The following ABCC11 variants were observed in gnomAD, a reference collection of about 807,000 sequenced individuals.
ABCC11 encodes the protein ATP-binding cassette sub-family C member 11.
A neutral mutation model predicts 149.3 loss-of-function variants in ABCC11; 135 were observed. The observed-to-expected ratio is 0.90, with a 90% confidence interval of 0.79 to 1.04. ABCC11 has a LOEUF of 1.04. ABCC11 is among the 50% of genes least tolerant of loss of function. The probability of loss-of-function intolerance (pLI) is 0.00; values close to 1 mark genes in which losing one functional copy is unlikely to be tolerated. For synonymous variants in ABCC11, 665 were observed against 671.4 expected (o/e 0.99, Z 0.15); for missense variants, 1,680 against 1,722.1 (o/e 0.98, Z 0.43).
In ABCC11 at chr16:48,237,687, C is replaced by A. The variant is rs75043627; in HGVS notation, c.-18-5748G>T. On this transcript the variant is annotated intron_variant, in intron 1 of 29. Transcript: ENST00000356608. ...AAACTCCTTACCAGAGCCTACAGAGCCCTCTATAATCTGACTCTGCCCACC... is the reference window on the plus strand; with the variant it reads ...AAACTCCTTACCAGAGCCTACAGAGACCTCTATAATCTGACTCTGCCCACC... Among the ~76,000 whole-genome samples, 1,150 of 152,260 alleles carry A rather than the reference C, an allele frequency of 7.6e-3. 16 individuals are homozygous for A. Among genetic ancestry groups the A allele is most frequent in the African/African-American group, 0.026 (1,082 of 41,552 alleles).
chr16:48,242,584 G>GAC (rs1275667709), intron 1 of ABCC11, among the ~76,000 whole-genome samples: 4 of 152,046 alleles, frequency 2.6e-5, no homozygotes, highest in Admixed American at 2.0e-4. Context: ...CTGCTATAAA[G>GAC]ACACACACAC....
intron 23 of ABCC11, among the ~76,000 whole-genome samples, chr16:48,179,333 G>A (rs1349976469): frequency 6.6e-6 from 1 of 152,174 alleles, no homozygotes; most frequent in African/African-American, 2.4e-5. Flanking sequence ...AGGAGTTAGG[G>A]ACTCTTGGGA....
chr16:48,230,500 ACAGCT>A lies in ABCC11; in HGVS notation c.168_172del (p.Ala57ProfsTer7). 6.2e-7 allele frequency: 1 copy of A among 1,612,640 alleles called. No homozygotes were observed. On this transcript the variant is annotated frameshift_variant, in exon 3 of 30. Transcript: ENST00000356608. LOFTEE classifies it high-confidence loss of function. ...AGCATCATACTTCCCCCACGGTGGG[ACAGCT>A]GCCCTCCCTGGAGCCTCAGGATTTC...
chr16:48,197,359 T>C (rs1189621752), intron 17 of ABCC11, among the ~76,000 whole-genome samples: 1 of 151,962 alleles, frequency 6.6e-6, no homozygotes, highest in Non-Finnish European at 1.5e-5. Flanking sequence ...GAGCCTACAA[T>C]GTGACAGGTA....
rs1420560308 is a variant in ABCC11 at position 48,192,724 on chromosome 16, G to C, written c.2509-7C>G. On this transcript the variant is annotated splice_region_variant and splice_polypyrimidine_tract_variant and intron_variant, in intron 19 of 29. Coordinates refer to ENST00000356608, the MANE Select transcript of ABCC11 (RefSeq NM_001370497.1). ...TCTCTCGGCTGCTATTGGTCTTCAAGAAAGAACAGGGGGTCTGACTGCAGG... is the reference window on the plus strand; with the variant it reads ...TCTCTCGGCTGCTATTGGTCTTCAACAAAGAACAGGGGGTCTGACTGCAGG... 1.2e-6 allele frequency: 2 copies of C among 1,614,010 alleles called. No individual in the cohort carries two copies. Among genetic ancestry groups the C allele is most frequent in the Admixed American group, 3.3e-5 (2 of 60,012 alleles).
At chr16:48,220,351 AGAAACTG>A (rs1416753583) in intron 6 of ABCC11, among the ~76,000 whole-genome samples, 1 of 152,230 alleles carries the variant, frequency 6.6e-6, no homozygotes, top group Admixed American at 6.5e-5. Context: ...GGACAATAAC[AGAAACTG>A]CCACACAAGA....
intron 19 of ABCC11, among the ~76,000 whole-genome samples, chr16:48,193,189 A>C (rs537368339): frequency 6.6e-6 from 1 of 152,194 alleles, no homozygotes; most frequent in Non-Finnish European, 1.5e-5. Context: ...GAGATCCCTG[A>C]TGGCCAATTC....
At chr16:48,200,220 G>C (rs1373798918) in intron 15 of ABCC11, 56 bp downstream of exon 15, 1 of 1,549,848 alleles carries the variant, frequency 6.5e-7, no homozygotes, top group Admixed American at 1.7e-5. Flanking sequence ...AATGGCAAAG[G>C]CTTGAGGATC....
intron 4 of ABCC11, among the ~76,000 whole-genome samples, chr16:48,226,481 G>T (rs1970083716): frequency 1.3e-5 from 2 of 152,004 alleles, no homozygotes; most frequent in Non-Finnish European, 2.9e-5. Context: ...GTTTCACTCT[G>T]TTAGCCAGGA....
At chr16:48,182,086 A>G (rs1966470648) in intron 23 of ABCC11, among the ~76,000 whole-genome samples, 1 of 152,218 alleles carries the variant, frequency 6.6e-6, no homozygotes, top group Non-Finnish European at 1.5e-5. Flanking sequence ...AGGGGGCTCA[A>G]CGAGGAGTGA....
At position 48,175,417 on chromosome 16, in the gene ABCC11, C is replaced by T; in HGVS notation, c.3539G>A (p.Gly1180Glu). 1 of 1,603,404 alleles carries T rather than the reference C, an allele frequency of 6.2e-7. No homozygotes were observed. The highest frequency in any genetic ancestry group is 8.5e-7 in the Non-Finnish European group (1 of 1,171,332). Reference sequence around the variant, plus strand: ...GAGAGCCATGCCCAAGGAGGACTTCCCTGTGGGGCAAGAAACAAGCGGGGC... The same window carrying T: ...GAGAGCCATGCCCAAGGAGGACTTCTCTGTGGGGCAAGAAACAAGCGGGGC... The part of the protein sequence containing the change: ...VVGIVGRTGS[G>E]KSSLGMALFR... Residue 1180 changes from glycine (G) to glutamate (E), a missense_variant and splice_region_variant, in exon 26 of 30, where the codon GGG (glycine) becomes GAG (glutamate). Transcript: ENST00000356608.
chr16:48,224,869 C>T (rs148069951), intron 4 of ABCC11, among the ~76,000 whole-genome samples: 110 of 152,038 alleles, frequency 7.2e-4, no homozygotes, highest in African/African-American at 2.4e-3. Context: ...GCTAAAAATA[C>T]GAAAATTAGT....
At chr16:48,222,081 ATTT>A (rs113762005) in intron 6 of ABCC11, among the ~76,000 whole-genome samples, 1 of 137,914 alleles carries the variant, frequency 7.3e-6, no homozygotes, top group African/African-American at 2.7e-5. Flanking sequence ...AGCCCAGCTA[ATTT>A]TTTTTTTTTT....
chr16:48,215,164 C>T, intron 8 of ABCC11, 33 bp downstream of exon 8: 1 of 1,598,906 alleles, frequency 6.3e-7, no homozygotes, highest in Non-Finnish European at 8.6e-7. Flanking sequence ...ATGCCATCAC[C>T]AGGTTTGGAG....
In ABCC11 at chr16:48,167,378, A is replaced by G; in HGVS notation, c.4057-12T>C. The G allele has an allele frequency of 6.9e-7, 1 of 1,442,492 alleles. No homozygotes were observed. The highest frequency in any genetic ancestry group is 9.8e-7 in the Non-Finnish European group (1 of 1,023,436). 89.4% of individuals were successfully genotyped at this position (1,442,492 alleles called of 1,614,324 possible). A position where few individuals can be genotyped will look rare whatever the true frequency, so the allele number is the denominator to read the frequency against. On this transcript the variant is annotated splice_polypyrimidine_tract_variant and intron_variant, in intron 29 of 29. Transcript: ENST00000356608. ...TCAAATTCTACCACCTGGAGGGTAG[A>G]GAAAGGCGAGGGGAGGATCAGGGCA... is the stretch of plus-strand genomic sequence containing the variant.
At chr16:48,245,279 C>G (rs1971301879) in intron 1 of ABCC11, among the ~76,000 whole-genome samples, 1 of 152,196 alleles carries the variant, frequency 6.6e-6, no homozygotes, top group African/African-American at 2.4e-5. Context: ...TCTGCTCCTT[C>G]ACTCATAACA....
rs1486973408 is a variant in ABCC11, at chr16:48,246,856, G to A, written c.-19+458C>T. On this transcript the variant is annotated intron_variant, in intron 1 of 29. Coordinates refer to ENST00000356608, the MANE Select transcript of ABCC11 (RefSeq NM_001370497.1). ...CTGGAGTAGCTGGGACTATAGGCAA[G>A]CGCCACCATACCCTTCAGGTTTTTA... Among the ~76,000 whole-genome samples the A allele has an allele frequency of 2.6e-5, 4 of 152,158 alleles. No homozygotes were observed. In the South Asian group the frequency reaches 8.3e-4, roughly 32 times the overall value.
Position 48,193,890 on chromosome 16 carries a change from G to C in ABCC11, c.2497C>G (p.Gln833Glu), listed in dbSNP as rs764007604. ...CTCATGGCACTCACCCCCGAGCCCT[G>C]CTCCAACCAGTAGCTCAGCCACCAG... is the stretch of plus-strand genomic sequence containing the variant. ...SFWWLSYWLEQGSGTNSSRES... is the reference protein window; with the variant it reads ...SFWWLSYWLEEGSGTNSSRES... The change falls in exon 19 of 30, where the codon CAG becomes GAG. Residue 833 changes from glutamine to glutamate, a missense_variant. Transcript: ENST00000356608. 5 of 1,613,690 alleles carry C rather than the reference G, an allele frequency of 3.1e-6. No homozygotes were observed. In the South Asian group the frequency reaches 5.5e-5, roughly 18 times the overall value.
At chr16:48,228,240 A>T (rs1478408465) in intron 3 of ABCC11, among the ~76,000 whole-genome samples, 1 of 151,326 alleles carries the variant, frequency 6.6e-6, no homozygotes, top group Non-Finnish European at 1.5e-5. Flanking sequence ...AGGTTTGTTT[A>T]TATGTAAAAC....
Sources: allele counts gnomAD v4.1 joint callset (sites outside exome capture counted in the v4.1 genomes callset), GRCh38; gene constraint gnomAD v4.1.1; transcripts MANE v1.5; gene names NCBI Gene and HGNC (gene_info 2026-07-23, HGNC 2026-07-21).